Variants in OTUD3 observed in about 807,000 individuals in gnomAD.
OTUD3 encodes OTU deubiquitinase 3.
Under a neutral mutation model 46.2 loss-of-function variants are expected in OTUD3, and 24 were observed. The observed-to-expected ratio is 0.52, with a 90% confidence interval of 0.38 to 0.73. OTUD3 has a LOEUF of 0.73. Ranked by LOEUF, OTUD3 falls within the 30% of genes least tolerant of loss-of-function variation. The pLI, the probability that OTUD3 is intolerant of heterozygous loss-of-function variation, is 0.00. For missense variants in OTUD3, 455 were observed against 523.3 expected (o/e 0.87, Z 1.27); for synonymous variants, 189 against 195.4 (o/e 0.97, Z 0.27).
intron 3 of OTUD3, among the ~76,000 whole-genome samples, chr1:19,895,274 A>G (rs2045504506): frequency 1.3e-5 from 2 of 152,258 alleles, no homozygotes; most frequent in Admixed American, 1.3e-4. Flanking sequence ...GATTAAAAAT[A>G]GGTTTATAGG....
At chr1:19,894,786 G>A (rs575229951) in intron 3 of OTUD3, among the ~76,000 whole-genome samples, 2 of 152,204 alleles carry the variant, frequency 1.3e-5, no homozygotes, top group Non-Finnish European at 2.9e-5. Flanking sequence ...TAAAGTCAGA[G>A]TGCTGCCTGT....
In OTUD3 at chr1:19,912,518, T is replaced by C. The variant is rs1179034952; in HGVS notation, c.*4772T>C. ...CCTTTCCCATGTAGAAGTGTTGGCATGCGTCAGTCTCCTTTACAGAGGGGT... is the reference window on the plus strand; with the variant it reads ...CCTTTCCCATGTAGAAGTGTTGGCACGCGTCAGTCTCCTTTACAGAGGGGT... On this transcript the variant is annotated 3_prime_UTR_variant, in exon 8 of 8. Coordinates refer to ENST00000375120, the MANE Select transcript of OTUD3 (RefSeq NM_015207.2). 1 of 152,976 alleles carries C rather than the reference T, an allele frequency of 6.5e-6. No homozygotes were observed. Among genetic ancestry groups the C allele is most frequent in the Non-Finnish European group, 1.5e-5 (1 of 68,110 alleles). 9.5% of individuals were successfully genotyped at this position (152,976 alleles called of 1,614,324 possible).
At position 19,910,694 on chromosome 1, in the gene OTUD3, C is replaced by T. The variant is rs1306749488; in HGVS notation, c.*2948C>T. On this transcript the variant is annotated 3_prime_UTR_variant, in exon 8 of 8. Coordinates refer to ENST00000375120, the MANE Select transcript of OTUD3 (RefSeq NM_015207.2). ...TCCAATGCCAGTTTGATTCTGAGGGCTTGGGAAGTGGGATCTCCCTTGTGG... is the reference window on the plus strand; with the variant it reads ...TCCAATGCCAGTTTGATTCTGAGGGTTTGGGAAGTGGGATCTCCCTTGTGG... The T allele has an allele frequency of 6.6e-6, 1 of 152,312 alleles. No homozygotes were observed. Among genetic ancestry groups the T allele is most frequent in the Non-Finnish European group, 1.5e-5 (1 of 68,030 alleles). 9.4% of individuals were successfully genotyped at this position (152,312 alleles called of 1,614,324 possible).
At chr1:19,897,801 T>A (rs1251412349) in intron 4 of OTUD3, 139 bp downstream of exon 4, 1 of 843,908 alleles carries the variant, frequency 1.2e-6, no homozygotes, top group Non-Finnish European at 1.8e-6. Flanking sequence ...TTTAAAAATA[T>A]TTTTTATTTC....
chr1:19,895,916 T>C (rs1330234530), intron 3 of OTUD3, among the ~76,000 whole-genome samples: 2 of 152,238 alleles, frequency 1.3e-5, no homozygotes, highest in African/African-American at 4.8e-5. Flanking sequence ...CCTCCATTGA[T>C]GACTTTTTTC....
intron 4 of OTUD3, among the ~76,000 whole-genome samples, chr1:19,900,187 T>A (rs2045567475): frequency 2.6e-5 from 4 of 152,180 alleles, no homozygotes; most frequent in Admixed American, 2.0e-4. Flanking sequence ...GAATAGTACT[T>A]TCATAGTTTC....
At chr1:19,890,851 A>C (rs933839907) in intron 2 of OTUD3, among the ~76,000 whole-genome samples, 1 of 152,210 alleles carries the variant, frequency 6.6e-6, no homozygotes, top group Non-Finnish European at 1.5e-5. Flanking sequence ...TTTAAAAGGT[A>C]TACAGACACA....
intron 4 of OTUD3, among the ~76,000 whole-genome samples, chr1:19,901,742 G>C (rs2045593105): frequency 6.6e-6 from 1 of 152,056 alleles, no homozygotes. Flanking sequence ...GCCTATTCTG[G>C]ACATTTTATG....
At chr1:19,895,846 T>G (rs1433751822) in intron 3 of OTUD3, among the ~76,000 whole-genome samples, 1 of 152,212 alleles carries the variant, frequency 6.6e-6, no homozygotes, top group African/African-American at 2.4e-5. Context: ...ATACACAGCA[T>G]AATGACCCTC....
intron 6 of OTUD3, among the ~76,000 whole-genome samples, chr1:19,905,304 G>A (rs975531115): frequency 6.6e-6 from 1 of 151,980 alleles, no homozygotes; most frequent in Non-Finnish European, 1.5e-5. Flanking sequence ...GGCCTTAGAA[G>A]ACCAAAATGA....
intron 1 of OTUD3, among the ~76,000 whole-genome samples, chr1:19,888,940 T>C (rs532556559): frequency 4.1e-4 from 63 of 152,384 alleles, no homozygotes; most frequent in South Asian, 3.7e-3. Flanking sequence ...TAAAAGTTCC[T>C]AGCAAACATG....
At chr1:19,883,266 C>CA in intron 1 of OTUD3, among the ~76,000 whole-genome samples, 1 of 152,336 alleles carries the variant, frequency 6.6e-6, no homozygotes, top group East Asian at 1.9e-4. Context: ...TTCTTCCTTC[C>CA]ATGGGCCTCA....
In OTUD3 at chr1:19,909,905, G is replaced by A. The variant is rs1016705701; in HGVS notation, c.*2159G>A. 6.6e-6 allele frequency: 1 copy of A among 152,316 alleles called. No homozygotes were observed. Among genetic ancestry groups the A allele is most frequent in the African/African-American group, 2.4e-5 (1 of 41,450 alleles). 9.4% of individuals were successfully genotyped at this position (152,316 alleles called of 1,614,324 possible). On this transcript the variant is annotated 3_prime_UTR_variant, in exon 8 of 8. Transcript: ENST00000375120. ...TGGTGGTTTAAAAAACTAATCAAACGGCTTTAGTAATTTTACTACTGGTTT... is the reference window on the plus strand; with the variant it reads ...TGGTGGTTTAAAAAACTAATCAAACAGCTTTAGTAATTTTACTACTGGTTT...
chr1:19,883,009 G>A (rs556949363), intron 1 of OTUD3, among the ~76,000 whole-genome samples: 1 of 152,368 alleles, frequency 6.6e-6, no homozygotes, highest in South Asian at 2.1e-4. Flanking sequence ...TGGGAGCAGG[G>A]CCACTGGATT....
chr1:19,884,260 A>T (rs1159491894), intron 1 of OTUD3, among the ~76,000 whole-genome samples: 2 of 152,162 alleles, frequency 1.3e-5, no homozygotes, highest in East Asian at 3.8e-4. Context: ...GTGCCCAGGA[A>T]ACTGAAGTAC....
At chr1:19,897,362 A>T (rs1043587336) in intron 3 of OTUD3, among the ~76,000 whole-genome samples, 178 bp from the exon 4 acceptor site, 1 of 152,236 alleles carries the variant, frequency 6.6e-6, no homozygotes, top group Non-Finnish European at 1.5e-5. Flanking sequence ...ATACGGAAGC[A>T]TACACGCATA....
chr1:19,906,741 G>C (rs1483290588), intron 7 of OTUD3, 125 bp downstream of exon 7: 10 of 868,074 alleles, frequency 1.2e-5, no homozygotes, highest in Non-Finnish European at 1.4e-5. Flanking sequence ...GGAAAATCTG[G>C]GGAATGCATA....
chr1:19,883,980 T>C (rs1392718332), intron 1 of OTUD3, among the ~76,000 whole-genome samples: 2 of 152,234 alleles, frequency 1.3e-5, no homozygotes, highest in African/African-American at 4.8e-5. Flanking sequence ...CTGTTTTTGC[T>C]TAAGATGCAG....
intron 1 of OTUD3, among the ~76,000 whole-genome samples, chr1:19,885,581 G>T (rs2045347331): frequency 6.6e-6 from 1 of 152,136 alleles, no homozygotes; most frequent in African/African-American, 2.4e-5. Flanking sequence ...AGCCTCCTGA[G>T]TAGCTGGGAT....
Sources: allele counts gnomAD v4.1 joint callset (sites outside exome capture counted in the v4.1 genomes callset), GRCh38; gene constraint gnomAD v4.1.1; transcripts MANE v1.5; gene names NCBI Gene and HGNC (gene_info 2026-07-23, HGNC 2026-07-21).